Variants in ZNF619 observed in about 807,000 individuals in gnomAD.
ZNF619 encodes the protein zinc finger protein 619.
A neutral mutation model predicts 14.2 loss-of-function variants in ZNF619; 9 were observed. The observed-to-expected ratio is 0.64, with a 90% CI of 0.38 to 1.11. The LOEUF is 1.11. ZNF619 is among the 50% of genes least tolerant of loss of function. The pLI, the probability that ZNF619 is intolerant of heterozygous loss-of-function variation, is 0.01. For synonymous variants in ZNF619, 246 were observed against 252.8 expected (o/e 0.97, Z 0.26); for missense variants, 659 against 680.1 (o/e 0.97, Z 0.34).
chr3:40,477,889 A>T lies in ZNF619; in HGVS notation c.-62-29A>T, dbSNP rs1416145721. 27 of 1,247,818 alleles carry T rather than the reference A, an allele frequency of 2.2e-5. No homozygotes were observed. The East Asian group carries it at 6.6e-4, about 30-fold the overall frequency. The allele number at this position is 1,247,818 out of a possible 1,614,324, so 77.3% of individuals were successfully genotyped here. A position where few individuals can be genotyped will look rare whatever the true frequency, so the allele number is the denominator to read the frequency against. Reference sequence around the variant, plus strand: ...AGGCGGCAAGTGTAGGAGACGAGACAGATCAGTCTCATTGTGGTTCTCTCT... The same window carrying T: ...AGGCGGCAAGTGTAGGAGACGAGACTGATCAGTCTCATTGTGGTTCTCTCT... On this transcript the variant is annotated intron_variant, in intron 1 of 4. Transcript: ENST00000432264.
Position 40,488,217 on chromosome 3 carries a change from G to T in ZNF619, c.1707G>T (p.Pro569=). The T allele has an allele frequency of 6.3e-7, 1 of 1,588,470 alleles. No homozygotes were observed. The highest frequency in any genetic ancestry group is 1.1e-5 in the South Asian group (1 of 88,138). ...CTGGGAAGTCATCCCTTCAGAGCCC[G>T]AATCCTTTGTCTCACTCCCTGTAAG... ...AFPGKSSLQS[P]NPLSHSL The change falls in exon 5 of 5, where the codon CCG becomes CCT. Residue 569 remains proline, a synonymous_variant. Coordinates refer to ENST00000432264, the MANE Select transcript of ZNF619 (RefSeq NM_001145093.4).
Position 40,488,454 on chromosome 3 carries a change from C to T in ZNF619, c.*213C>T, listed in dbSNP as rs1482731136. ...CAGTACTTATTCTTTATCGTGTCCA[C>T]ATTTGGGCTGTATTATCAGTCTGCA... On this transcript the variant is annotated 3_prime_UTR_variant, in exon 5 of 5. Coordinates refer to ENST00000432264, the MANE Select transcript of ZNF619 (RefSeq NM_001145093.4). The T allele has an allele frequency of 1.7e-5, 9 of 540,000 alleles. No homozygotes were observed. The highest frequency in any genetic ancestry group is 1.1e-4 in the South Asian group (4 of 35,736). The allele number at this position is 540,000 out of a possible 1,614,324, so 33.5% of individuals were successfully genotyped here.
intron 2 of ZNF619, among the ~76,000 whole-genome samples, chr3:40,480,212 G>A (rs1226061812): frequency 6.6e-6 from 1 of 152,126 alleles, no homozygotes; most frequent in African/African-American, 2.4e-5. Context: ...ATTAACAGAT[G>A]TATCTATTCT....
chr3:40,490,998 A>T lies in ZNF619; in HGVS notation c.*2757A>T, dbSNP rs1300753336. Among the ~76,000 whole-genome samples, 1 of 152,118 alleles carries T rather than the reference A, an allele frequency of 6.6e-6. No individual in the cohort carries two copies. Among genetic ancestry groups the T allele is most frequent in the African/African-American group, 2.4e-5 (1 of 41,418 alleles). On this transcript the variant is annotated 3_prime_UTR_variant, in exon 5 of 5. Coordinates refer to ENST00000432264, the MANE Select transcript of ZNF619 (RefSeq NM_001145093.4). Reference sequence around the variant, plus strand: ...CAAGAAGGCCAGATACGGCCCCTCCACAGTTCCCAGCCCTCGGAACCATGA... The same window carrying T: ...CAAGAAGGCCAGATACGGCCCCTCCTCAGTTCCCAGCCCTCGGAACCATGA...
At chr3:40,480,191 A>T (rs1697338669) in intron 2 of ZNF619, among the ~76,000 whole-genome samples, 1 of 152,128 alleles carries the variant, frequency 6.6e-6, no homozygotes, top group African/African-American at 2.4e-5. Context: ...TGAAGGAAGT[A>T]AGAGAAGAGT....
In ZNF619 at chr3:40,490,076, G is replaced by A. The variant is rs1362431845; in HGVS notation, c.*1835G>A. 1 of 152,212 alleles carries A rather than the reference G, an allele frequency of 6.6e-6. No homozygotes were observed. Among genetic ancestry groups the A allele is most frequent in the Non-Finnish European group, 1.5e-5 (1 of 68,054 alleles). 9.4% of individuals were successfully genotyped at this position (152,212 alleles called of 1,614,324 possible). On this transcript the variant is annotated 3_prime_UTR_variant, in exon 5 of 5. Transcript: ENST00000432264. ...TGGTGGCTTTATGAGGAGAGGAAGA[G>A]CAACTGGAACTGGGACACATGCTTG...
At chr3:40,485,044 C>G (rs1697535135) in intron 4 of ZNF619, among the ~76,000 whole-genome samples, 1 of 152,096 alleles carries the variant, frequency 6.6e-6, no homozygotes, top group Non-Finnish European at 1.5e-5. Flanking sequence ...TCTTTCACCT[C>G]TGCCTCCTAA....
intron 2 of ZNF619, among the ~76,000 whole-genome samples, chr3:40,481,164 C>T (rs1697380216): frequency 6.6e-6 from 1 of 152,176 alleles, no homozygotes; most frequent in Non-Finnish European, 1.5e-5. Flanking sequence ...GTGATGGTGT[C>T]CTTCTTCCCT....
chr3:40,482,620 T>C lies in ZNF619; in HGVS notation c.211T>C (p.Phe71Leu). Residue 71 changes from phenylalanine (F) to leucine (L), a missense_variant, in exon 4 of 5, where the codon TTC becomes CTC. Transcript: ENST00000432264. ...TCCATTCCCCAAACCAGATCTGATA[T>C]TCCAGCTGGAGCAAGGAGAAGCAGC... ...AFPFPKPDLIFQLEQGEAAWG... is the reference protein window; with the variant it reads ...AFPFPKPDLILQLEQGEAAWG... 2 of 1,614,158 alleles carry C rather than the reference T, an allele frequency of 1.2e-6. No individual in the cohort carries two copies. The highest frequency in any genetic ancestry group is 1.6e-4 in the Middle Eastern group (1 of 6,062).
intron 2 of ZNF619, among the ~76,000 whole-genome samples, chr3:40,478,585 T>C (rs910082492): frequency 2.0e-5 from 3 of 152,128 alleles, no homozygotes. Flanking sequence ...CCAGTGCCTT[T>C]AGCTCAATGC....
chr3:40,482,503 T>C (rs758478466), intron 3 of ZNF619, 85 bp from the exon 4 acceptor site: 37 of 1,559,774 alleles, frequency 2.4e-5, no homozygotes, highest in Non-Finnish European at 3.2e-5. Flanking sequence ...TCCTCTTCTA[T>C]TTTCATCTGG....
At chr3:40,485,053 A>G (rs1697535341) in intron 4 of ZNF619, among the ~76,000 whole-genome samples, 1 of 151,928 alleles carries the variant, frequency 6.6e-6, no homozygotes, top group Non-Finnish European at 1.5e-5. Flanking sequence ...TCTGCCTCCT[A>G]ATTAGATGGG....
In ZNF619 at chr3:40,482,418, C is replaced by T; in HGVS notation, c.179-170C>T. 9 of 1,591,144 alleles carry T rather than the reference C, an allele frequency of 5.7e-6. No homozygotes were observed. The South Asian group carries it at 8.9e-5, about 16-fold the overall frequency. On this transcript the variant is annotated intron_variant, in intron 3 of 4. Transcript: ENST00000432264. ...TGGGAGCATTCTGTCCTCTTAGAGG[C>T]CAGAGTAAGCTTCAAGCCCTTCCTT...
rs1326124682 is a variant in ZNF619 at position 40,481,871 on chromosome 3, C to T, written c.33C>T (p.Gly11=). 1 of 1,604,816 alleles carries T rather than the reference C, an allele frequency of 6.2e-7. No individual in the cohort carries two copies. Among genetic ancestry groups the T allele is most frequent in the Non-Finnish European group, 8.5e-7 (1 of 1,176,658 alleles). The part of the protein sequence containing the change: MLQTVWFQGL[G]RNLLFQEPVT... ...CCTCTGTTCTTGTGCAGGGCTTGGGCAGGAACCTGTTGTTTCAGGAGCCAG... is the reference window on the plus strand; with the variant it reads ...CCTCTGTTCTTGTGCAGGGCTTGGGTAGGAACCTGTTGTTTCAGGAGCCAG... Residue 11 remains glycine (G), a synonymous_variant, in exon 3 of 5, where the codon GGC becomes GGT. Coordinates refer to ENST00000432264, the MANE Select transcript of ZNF619 (RefSeq NM_001145093.4).
chr3:40,478,936 C>T lies in ZNF619; in HGVS notation c.24+933C>T, dbSNP rs139085868. ...TATGCTGTGCTCTCCTGGTGCTTTG[C>T]CTGAAGTACAGAAATCACTTAGGAT... On this transcript the variant is annotated intron_variant, in intron 2 of 4. Coordinates refer to ENST00000432264, the MANE Select transcript of ZNF619 (RefSeq NM_001145093.4). Among the ~76,000 whole-genome samples the T allele has an allele frequency of 3.5e-3, 536 of 152,168 alleles. 2 individuals carry two copies. The highest frequency in any genetic ancestry group is 5.4e-3 in the Non-Finnish European group (365 of 68,012).
rs1233092356 is a variant in ZNF619 at position 40,488,852 on chromosome 3, G to T, written c.*611G>T. 1 of 152,226 alleles carries T rather than the reference G, an allele frequency of 6.6e-6. No individual in the cohort carries two copies. The highest frequency in any genetic ancestry group is 1.5e-5 in the Non-Finnish European group (1 of 68,156). 9.4% of individuals were successfully genotyped at this position (152,226 alleles called of 1,614,324 possible). On this transcript the variant is annotated 3_prime_UTR_variant, in exon 5 of 5. Transcript: ENST00000432264. ...ATTTTGTATTTTTAGTAGAGACAGG[G>T]TTTCACCATGTTGGCCAGGCTGGTC...
At chr3:40,478,966 T>G (rs1004327247) in intron 2 of ZNF619, among the ~76,000 whole-genome samples, 1 of 152,264 alleles carries the variant, frequency 6.6e-6, no homozygotes, top group Non-Finnish European at 1.5e-5. Flanking sequence ...TAGGATTAGA[T>G]TCCCCAAAGA....
At chr3:40,484,058 T>A (rs1339034033) in intron 4 of ZNF619, among the ~76,000 whole-genome samples, 1 of 152,188 alleles carries the variant, frequency 6.6e-6, no homozygotes, top group Non-Finnish European at 1.5e-5. Context: ...CCCAAGTAGC[T>A]GGGATTACAG....
chr3:40,480,779 C>A (rs936994453), intron 2 of ZNF619, among the ~76,000 whole-genome samples: 5 of 152,194 alleles, frequency 3.3e-5, no homozygotes, highest in Non-Finnish European at 5.9e-5. Flanking sequence ...GGATTACAGG[C>A]ATGAGCCACT....
Sources: gnomAD v4.1 joint callset for allele counts (sites outside exome capture counted in the v4.1 genomes callset) on GRCh38, gnomAD v4.1.1 for gene constraint, MANE v1.5 for transcripts, NCBI Gene and HGNC (gene_info 2026-07-23, HGNC 2026-07-21) for gene names.